SUMF1: variants seen among roughly 807,000 people sequenced by gnomAD.
SUMF1 encodes the protein sulfatase modifying factor 1, also known as formylglycine-generating enzyme.
Under a neutral mutation model 47.6 loss-of-function variants are expected in SUMF1, and 48 were observed. The observed-to-expected ratio is 1.01, with a 90% CI of 0.80 to 1.28. The LOEUF (loss-of-function observed/expected upper bound fraction) is 1.28. Among genes scored for constraint, SUMF1 ranks in the 50% most tolerant of loss-of-function variants. The pLI is 0.00. For synonymous variants in SUMF1, 230 were observed against 192.1 expected, an observed-to-expected ratio of 1.20 and a Z score of -1.63; for missense variants, 571 against 485.4, an observed-to-expected ratio of 1.18 and a Z score of -1.66.
chr3:4,196,864 A>G (rs1419847551), intron 8 of SUMF1, among the ~76,000 whole-genome samples: 1 of 152,138 alleles, frequency 6.6e-6, no homozygotes, highest in Non-Finnish European at 1.5e-5. Flanking sequence ...TGTTGCAATA[A>G]ATCAATAAAA....
chr3:4,112,230 T>C (rs1314153655), intron 8 of SUMF1, among the ~76,000 whole-genome samples: 6 of 152,122 alleles, frequency 3.9e-5, no homozygotes, highest in African/African-American at 7.2e-5. Flanking sequence ...ATGAAACTAG[T>C]ACACCAGATA....
chr3:4,339,970 G>A lies in SUMF1; in HGVS notation c.1014+36360C>T, dbSNP rs144551421. On this transcript the variant is annotated intron_variant and NMD_transcript_variant, in intron 8 of 12. Coordinates refer to the SUMF1 transcript ENST00000448413. ...CACATACCTGTGGTCCCAGCCACTC[G>A]GGAGGCTGAGACCAGGAGGATCACT... Among the ~76,000 whole-genome samples the A allele has an allele frequency of 2.5e-3, 373 of 152,156 alleles. 2 individuals carry two copies. The highest frequency in any genetic ancestry group is 8.6e-3 in the African/African-American group (357 of 41,486).
At chr3:4,214,481 A>G (rs1017061419) in intron 8 of SUMF1, among the ~76,000 whole-genome samples, 1 of 152,196 alleles carries the variant, frequency 6.6e-6, no homozygotes, top group Non-Finnish European at 1.5e-5. Context: ...ACACCCTAAC[A>G]TCGCAATGAA....
chr3:4,303,548 G>C, intron 8 of SUMF1: 3 of 1,346,214 alleles, frequency 2.2e-6, no homozygotes, highest in Non-Finnish European at 9.5e-7. Context: ...GCCAGGCGGC[G>C]CGGGAGGCGG....
chr3:4,357,327 A>T (rs1436970995), downstream of SUMF1, among the ~76,000 whole-genome samples: 1 of 124,844 alleles, frequency 8.0e-6, no homozygotes, highest in Non-Finnish European at 1.6e-5. Context: ...TTTTTTTTCA[A>T]GATATTCCTG....
At chr3:4,125,613 C>G (rs957624921) in intron 8 of SUMF1, among the ~76,000 whole-genome samples, 14 of 152,280 alleles carry the variant, frequency 9.2e-5, no homozygotes, top group African/African-American at 2.6e-4. Context: ...TCTGTTGTAA[C>G]AGACATCTGT....
At chr3:4,280,584 G>C (rs757796426) in intron 8 of SUMF1, among the ~76,000 whole-genome samples, 4 of 152,142 alleles carry the variant, frequency 2.6e-5, no homozygotes, top group South Asian at 2.1e-4. Context: ...AAAGGTTTGC[G>C]TATCAGTTTC....
intron 9 of SUMF1, among the ~76,000 whole-genome samples, chr3:4,034,663 C>A (rs1028240592): frequency 1.3e-4 from 20 of 152,028 alleles, no homozygotes; most frequent in African/African-American, 4.8e-4. Context: ...GAGGCATCAG[C>A]AAATATTCCG....
At chr3:4,134,420 T>C (rs971976814) in intron 8 of SUMF1, among the ~76,000 whole-genome samples, 1 of 152,062 alleles carries the variant, frequency 6.6e-6, no homozygotes, top group Non-Finnish European at 1.5e-5. Flanking sequence ...TTGAATCCAA[T>C]GAGAACAAAG....
At chr3:4,363,373 T>A (rs1303867845) in intron 8 of SUMF1, among the ~76,000 whole-genome samples, 1 of 152,074 alleles carries the variant, frequency 6.6e-6, no homozygotes, top group East Asian at 1.9e-4. Flanking sequence ...TGCTCTTCCA[T>A]TTCTTTGTAT....
At chr3:4,409,224 G>C (rs1312454712) in intron 7 of SUMF1, among the ~76,000 whole-genome samples, 1 of 152,090 alleles carries the variant, frequency 6.6e-6, no homozygotes, top group East Asian at 1.9e-4. Flanking sequence ...ATAAAGACCT[G>C]AATTATGGAG....
intron 8 of SUMF1, among the ~76,000 whole-genome samples, chr3:4,239,889 A>G (rs1696498609): frequency 6.6e-6 from 1 of 152,166 alleles, no homozygotes; most frequent in African/African-American, 2.4e-5. Context: ...CCCATTCAGT[A>G]TGATATTGGC....
intron 9 of SUMF1, among the ~76,000 whole-genome samples, chr3:4,040,185 C>T (rs1694884028): frequency 6.6e-6 from 1 of 152,070 alleles, no homozygotes; most frequent in African/African-American, 2.4e-5. Flanking sequence ...TCATTTTGTA[C>T]TCCTTAAATA....
chr3:4,276,019 T>G (rs140758476), intron 8 of SUMF1, among the ~76,000 whole-genome samples: 5 of 152,238 alleles, frequency 3.3e-5, no homozygotes, highest in Non-Finnish European at 5.9e-5. Flanking sequence ...AACCTATCCA[T>G]AAGAAATAAA....
intron 8 of SUMF1, among the ~76,000 whole-genome samples, chr3:4,169,427 G>T (rs1163524396): frequency 6.6e-6 from 1 of 152,116 alleles, no homozygotes; most frequent in Non-Finnish European, 1.5e-5. Flanking sequence ...AAGACACAGA[G>T]AAAAGGGGCC....
At chr3:4,085,238 G>A (rs896424724) in intron 8 of SUMF1, among the ~76,000 whole-genome samples, 10 of 152,094 alleles carry the variant, frequency 6.6e-5, no homozygotes, top group Non-Finnish European at 1.5e-4. Flanking sequence ...ATGTGGCTGG[G>A]AACAATTACT....
At chr3:4,080,191 C>A (rs1692529397) in intron 8 of SUMF1, among the ~76,000 whole-genome samples, 1 of 152,128 alleles carries the variant, frequency 6.6e-6, no homozygotes, top group Non-Finnish European at 1.5e-5. Flanking sequence ...ATTCCTTGCA[C>A]AAATGCACAC....
chr3:4,162,803 A>C (rs1263987414), intron 8 of SUMF1, among the ~76,000 whole-genome samples: 1 of 151,922 alleles, frequency 6.6e-6, no homozygotes, highest in Non-Finnish European at 1.5e-5. Flanking sequence ...TTTTGTTCTT[A>C]TGAAGGTGCT....
chr3:4,245,402 A>T lies in SUMF1; in HGVS notation c.1014+130928T>A, dbSNP rs528662935. ...TCTACCTTTGGTCTTTAATGTTGGG[A>T]CCTACAGATGGGGTTTTAGTGTGGA... is the stretch of plus-strand genomic sequence containing the variant. On this transcript the variant is annotated intron_variant and NMD_transcript_variant, in intron 8 of 12. Transcript: ENST00000448413. 2.8e-4 allele frequency among the ~76,000 whole-genome samples: 42 copies of T among 152,128 alleles called. 1 individual carries two copies. The highest frequency in any genetic ancestry group is 9.6e-4 in the African/African-American group (40 of 41,508).
Sources: gnomAD v4.1 joint callset for allele counts (sites outside exome capture counted in the v4.1 genomes callset) on GRCh38, gnomAD v4.1.1 for gene constraint, MANE v1.5 for transcripts, NCBI Gene and HGNC (gene_info 2026-07-23, HGNC 2026-07-21) for gene names.